Variants in FMN1 observed in about 807,000 individuals in gnomAD.
FMN1 encodes formin-1.
A neutral mutation model predicts 132.4 loss-of-function variants in FMN1; 110 were observed. The observed-to-expected ratio is 0.83, with a 90% CI of 0.71 to 0.97. FMN1 has a LOEUF of 0.97. Ranked by LOEUF, FMN1 falls within the 50% of genes least tolerant of loss-of-function variation. FMN1 has a pLI of 0.00. For missense variants in FMN1, 1,792 were observed against 1,705.3 expected (o/e 1.05, Z -0.90); for synonymous variants, 722 against 651.7 (o/e 1.11, Z -1.64).
At position 33,143,240 on chromosome 15, in the gene FMN1, G is replaced by A. The variant is rs552111800; in HGVS notation, c.1867+9808C>T. Among the ~76,000 whole-genome samples the A allele has an allele frequency of 2.0e-5, 3 of 152,236 alleles. No individual in the cohort carries two copies. The East Asian group carries it at 5.8e-4, about 29-fold the overall frequency. On this transcript the variant is annotated intron_variant, in intron 4 of 20. Coordinates refer to ENST00000616417, the MANE Select transcript of FMN1 (RefSeq NM_001277313.2). Reference sequence around the variant, plus strand: ...TCAAGGTTAGTTAAAAATAAAAAAAGCATTTTCTAGCAAAATAGGGTAACA... The same window carrying A: ...TCAAGGTTAGTTAAAAATAAAAAAAACATTTTCTAGCAAAATAGGGTAACA...
intron 4 of FMN1, among the ~76,000 whole-genome samples, chr15:33,136,944 C>G (rs956344695): frequency 6.6e-6 from 1 of 151,858 alleles, no homozygotes; most frequent in Non-Finnish European, 1.5e-5. Context: ...AAAAGTTAGC[C>G]AGGCGTGGTG....
chr15:33,180,698 C>T (rs1965666111), intron 2 of FMN1, among the ~76,000 whole-genome samples: 1 of 150,706 alleles, frequency 6.6e-6, no homozygotes, highest in Admixed American at 6.6e-5. Flanking sequence ...CATCGTGCCT[C>T]AGCTAGTCAC....
chr15:33,128,385 T>TC (rs1963325702), intron 4 of FMN1, among the ~76,000 whole-genome samples: 1 of 152,176 alleles, frequency 6.6e-6, no homozygotes, highest in African/African-American at 2.4e-5. Context: ...CTCTCCGAAC[T>TC]CCAACTGCCC....
intron 3 of FMN1, among the ~76,000 whole-genome samples, chr15:33,158,779 G>T (rs1287491003): frequency 1.3e-5 from 2 of 152,190 alleles, no homozygotes; most frequent in Non-Finnish European, 2.9e-5. Flanking sequence ...GACAAGTAGG[G>T]GGTAAGACTA....
intron 4 of FMN1, among the ~76,000 whole-genome samples, chr15:33,101,203 G>A (rs2039280715): frequency 6.6e-6 from 1 of 152,152 alleles, no homozygotes; most frequent in African/African-American, 2.4e-5. Context: ...GTAAATTGAA[G>A]CTGCATGTCG....
At chr15:33,146,880 C>A (rs1317310361) in intron 4 of FMN1, among the ~76,000 whole-genome samples, 1 of 152,068 alleles carries the variant, frequency 6.6e-6, no homozygotes, top group East Asian at 1.9e-4. Context: ...TCAGGATTCC[C>A]TAAGAAATAA....
chr15:33,023,065 AAAAAAAAAAAAAG>A (rs1312793426), intron 6 of FMN1, among the ~76,000 whole-genome samples: 3 of 70,054 alleles, frequency 4.3e-5, no homozygotes, highest in Admixed American at 1.7e-4. Context: ...CACCCAAAAA[AAAAAAAAAAAAAG>A]AAAAAAAAGA....
chr15:32,963,493 A>G (rs2030834693), intron 9 of FMN1, among the ~76,000 whole-genome samples: 1 of 152,074 alleles, frequency 6.6e-6, no homozygotes, highest in Non-Finnish European at 1.5e-5. Context: ...CTTAAAGTAT[A>G]ATAAATAAAT....
intron 4 of FMN1, among the ~76,000 whole-genome samples, chr15:33,111,885 G>T (rs538858987): frequency 4.3e-4 from 65 of 152,260 alleles, no homozygotes; most frequent in Middle Eastern, 3.4e-3. Flanking sequence ...TTGTACAACT[G>T]AATATATTAG....
chr15:33,105,614 T>C (rs1293798338), intron 4 of FMN1: 3 of 152,068 alleles, frequency 2.0e-5, no homozygotes, highest in Non-Finnish European at 4.4e-5. Context: ...GGCGGAAAAA[T>C]AGGGAATCTT....
chr15:32,931,526 G>T (rs1050684575), intron 9 of FMN1, among the ~76,000 whole-genome samples: 2 of 152,032 alleles, frequency 1.3e-5, no homozygotes, highest in African/African-American at 4.8e-5. Context: ...AGAACACAAC[G>T]AATTTTTGTT....
chr15:32,992,951 T>C (rs1004171536), intron 7 of FMN1, among the ~76,000 whole-genome samples: 15 of 152,218 alleles, frequency 9.9e-5, no homozygotes, highest in African/African-American at 3.4e-4. Context: ...ATGGATTGCC[T>C]GAAAGATGAA....
At chr15:32,937,932 T>C (rs1014513793) in intron 9 of FMN1, among the ~76,000 whole-genome samples, 1 of 152,178 alleles carries the variant, frequency 6.6e-6, no homozygotes, top group East Asian at 1.9e-4. Context: ...TGAACACACA[T>C]AGAAATGGTT....
intron 4 of FMN1, among the ~76,000 whole-genome samples, chr15:33,128,684 C>T (rs952062834): frequency 2.0e-5 from 3 of 152,222 alleles, no homozygotes; most frequent in African/African-American, 4.8e-5. Flanking sequence ...GTCTCACTGA[C>T]TTCACGAATA....
chr15:32,826,189 C>T (rs2058361340), intron 17 of FMN1, among the ~76,000 whole-genome samples: 1 of 152,188 alleles, frequency 6.6e-6, no homozygotes, highest in African/African-American at 2.4e-5. Flanking sequence ...TAGTGCTTCC[C>T]ACACATGTCA....
intron 3 of FMN1, among the ~76,000 whole-genome samples, chr15:33,168,717 T>C (rs933229266): frequency 1.3e-5 from 2 of 152,238 alleles, no homozygotes; most frequent in Non-Finnish European, 2.9e-5. Flanking sequence ...ACAGTTGGTA[T>C]CTGCTCAAGC....
At chr15:33,138,068 A>G (rs1055882446) in intron 4 of FMN1, among the ~76,000 whole-genome samples, 6 of 152,246 alleles carry the variant, frequency 3.9e-5, no homozygotes, top group Non-Finnish European at 7.3e-5. Context: ...TATCTGGTAC[A>G]CAAGAATAAA....
chr15:32,779,743 CTT>C (rs1201489732), intron 19 of FMN1, among the ~76,000 whole-genome samples: 1 of 152,186 alleles, frequency 6.6e-6, no homozygotes, highest in African/African-American at 2.4e-5. Flanking sequence ...TTGAATTAAA[CTT>C]AATTTTCACA....
intron 17 of FMN1, among the ~76,000 whole-genome samples, chr15:32,816,307 A>G (rs538180640): frequency 6.6e-6 from 1 of 152,348 alleles, no homozygotes; most frequent in Admixed American, 6.5e-5. Flanking sequence ...ATAAATAAAG[A>G]ATATAAAGCA....
Sources: gnomAD v4.1 joint callset for allele counts (sites outside exome capture counted in the v4.1 genomes callset) on GRCh38, gnomAD v4.1.1 for gene constraint, MANE v1.5 for transcripts, NCBI Gene and HGNC (gene_info 2026-07-23, HGNC 2026-07-21) for gene names.